Variants in SPEF2 observed in about 807,000 individuals in gnomAD.
SPEF2 encodes the protein sperm flagellar and cilia associated 2, also known as sperm flagella and cilia-associated protein 2.
SPEF2 carries 187 observed loss-of-function variants against 224.6 expected under a neutral mutation model. That is an observed-to-expected ratio of 0.83 (90% CI 0.74 to 0.94). The LOEUF is 0.94. Ranked by LOEUF, SPEF2 falls within the 40% of genes least tolerant of loss-of-function variation. The probability of loss-of-function intolerance (pLI) is 0.00; values close to 1 mark genes in which losing one functional copy is unlikely to be tolerated. For synonymous variants in SPEF2, 715 were observed against 707.3 expected (o/e 1.01, Z -0.17); for missense variants, 2,170 against 2,135.6 (o/e 1.02, Z -0.32).
At chr5:35,674,840 A>T (rs1055222882) in intron 10 of SPEF2, among the ~76,000 whole-genome samples, 2 of 152,052 alleles carry the variant, frequency 1.3e-5, no homozygotes, top group African/African-American at 4.8e-5. Context: ...TTTATTCAGG[A>T]TACTTACAAA....
chr5:35,661,304 CACACATATAT>C (rs1236431155), intron 8 of SPEF2, among the ~76,000 whole-genome samples: 7 of 113,970 alleles, frequency 6.1e-5, no homozygotes, highest in Non-Finnish European at 1.3e-4. Context: ...ATATATTATA[CACACATATAT>C]ACACATATAC....
intron 2 of SPEF2, among the ~76,000 whole-genome samples, chr5:35,638,553 C>T (rs1459857739): frequency 1.3e-5 from 2 of 152,174 alleles, no homozygotes; most frequent in Non-Finnish European, 2.9e-5. Flanking sequence ...TACTCCTTCT[C>T]TAAACTCTTC....
intron 25 of SPEF2, 72 bp from the exon 26 acceptor site, chr5:35,763,450 G>A (rs1182881919): frequency 1.5e-6 from 2 of 1,376,628 alleles, no homozygotes; most frequent in Non-Finnish European, 1.9e-6. Context: ...AATTTACAAA[G>A]TAACATGGTC....
chr5:35,700,672 T>G lies in SPEF2; in HGVS notation c.2318T>G (p.Leu773Arg). The G allele has an allele frequency of 6.2e-7, 1 of 1,614,012 alleles. No individual in the cohort carries two copies. Among genetic ancestry groups the G allele is most frequent in the Non-Finnish European group, 8.5e-7 (1 of 1,179,926 alleles). The change falls in exon 16 of 37, where the codon CTT (leucine) becomes CGT (arginine). Residue 773 changes from leucine to arginine, a missense_variant. Physicochemically the swap from Leu to Arg is moderately radical, Grantham distance 102. Transcript: ENST00000356031. ...CCTGCGACTTCCAAAGAAATACCTC[T>G]TCCCTCTCCTGCATTTGATTTTGTC... The part of the protein sequence containing the change: ...IDPATSKEIP[L>R]PSPAFDFVIL...
At chr5:35,808,573 A>G (rs761802151) in intron 36 of SPEF2, among the ~76,000 whole-genome samples, 1 of 152,074 alleles carries the variant, frequency 6.6e-6, no homozygotes, top group Admixed American at 6.6e-5. Flanking sequence ...TATGAAGGAC[A>G]TGAAGTCATC....
chr5:35,697,433 G>C (rs1755496148), intron 14 of SPEF2, among the ~76,000 whole-genome samples: 1 of 152,110 alleles, frequency 6.6e-6, no homozygotes, highest in South Asian at 2.1e-4. Flanking sequence ...CTGATTTAAG[G>C]TATTAGAGAA....
chr5:35,697,561 T>C (rs1228643509), intron 14 of SPEF2, 129 bp from the exon 15 acceptor site: 2 of 675,036 alleles, frequency 3.0e-6, no homozygotes, highest in Non-Finnish European at 4.9e-6. Flanking sequence ...CTTCCCTGAC[T>C]CCCGAACTGT....
chr5:35,786,982 C>A (rs935812071), intron 30 of SPEF2, among the ~76,000 whole-genome samples: 2 of 152,118 alleles, frequency 1.3e-5, no homozygotes, highest in East Asian at 3.9e-4. Flanking sequence ...TAAAACAGGA[C>A]AACATAATCT....
chr5:35,689,294 T>TA (rs1754099138), intron 10 of SPEF2, among the ~76,000 whole-genome samples: 1 of 152,206 alleles, frequency 6.6e-6, no homozygotes, highest in Admixed American at 6.5e-5. Flanking sequence ...TAGTTGTACC[T>TA]AACATTTTCT....
Position 35,667,016 on chromosome 5 carries a change from A to T in SPEF2, c.1168-56A>T, listed in dbSNP as rs1341053061. On this transcript the variant is annotated intron_variant, in intron 8 of 36. Transcript: ENST00000356031. Reference sequence around the variant, plus strand: ...ACTTTTTGGCCATTGAAATGATGACATTATTTTTATTTGATTCAATTATAG... The same window carrying T: ...ACTTTTTGGCCATTGAAATGATGACTTTATTTTTATTTGATTCAATTATAG... 2.0e-6 allele frequency: 3 copies of T among 1,474,234 alleles called. No individual in the cohort carries two copies. The African/African-American group carries it at 4.3e-5, about 21-fold the overall frequency. The allele number at this position is 1,474,234 out of a possible 1,614,324, so 91.3% of individuals were successfully genotyped here.
chr5:35,699,132 T>C (rs1374592572), intron 15 of SPEF2: 1 of 152,166 alleles, frequency 6.6e-6, no homozygotes, highest in Non-Finnish European at 1.5e-5. Flanking sequence ...TGAACAATAA[T>C]GAAATTTCCT....
At chr5:35,729,958 T>A (rs1278661248) in intron 21 of SPEF2, among the ~76,000 whole-genome samples, 1 of 152,138 alleles carries the variant, frequency 6.6e-6, no homozygotes. Flanking sequence ...AATTAAACCT[T>A]TTTCTTCCCA....
chr5:35,739,935 T>A lies in SPEF2; in HGVS notation c.3080T>A (p.Leu1027Ter), dbSNP rs774735931. Residue 1027 changes from leucine to a stop codon, truncating the protein, a stop_gained, in exon 22 of 37, where the codon TTA becomes TAA. Transcript: ENST00000356031. LOFTEE classifies it high-confidence loss of function. ...ATTTAACAGGAAATGCCTTTGTTTT[T>A]AGTACCTTACTGGGAACTAATAGAA... ...EPVPEEMPLF[L>*]VPYWELIENS... 1 of 1,613,676 alleles carries A rather than the reference T, an allele frequency of 6.2e-7. No homozygotes were observed. Among genetic ancestry groups the A allele is most frequent in the Admixed American group, 1.7e-5 (1 of 59,908 alleles).
In SPEF2 at chr5:35,745,472, T is replaced by C. The variant is rs191643588; in HGVS notation, c.3330+5205T>C. Among the ~76,000 whole-genome samples the C allele has an allele frequency of 9.9e-5, 15 of 152,254 alleles. No homozygotes were observed. In the East Asian group the frequency reaches 2.9e-3, roughly 29 times the overall value. On this transcript the variant is annotated intron_variant, in intron 23 of 36. Transcript: ENST00000356031. ...CTGCCTGGAAACAGACTCGGGGCTGTTGGCAGAGGCCCGGTGGGAGTGAGA... is the reference window on the plus strand; with the variant it reads ...CTGCCTGGAAACAGACTCGGGGCTGCTGGCAGAGGCCCGGTGGGAGTGAGA...
In SPEF2 at chr5:35,691,081, T is replaced by C. The variant is rs115016107; in HGVS notation, c.1569T>C (p.Asn523=). 2,585 of 1,613,990 alleles carry C rather than the reference T, an allele frequency of 1.6e-3. 29 individuals carry two copies. The African/African-American group carries it at 0.031, about 19-fold the overall frequency. ...CCTTACCAGAAGAAATGGTTGACAA[T>C]TTACCACCCTCCAACAATTGCATAC... ...EWALPEEMVD[N]LPPSNNCILG... is the part of the protein sequence containing the mutation. Residue 523 remains asparagine (N), a synonymous_variant, in exon 11 of 37, where the codon AAT becomes AAC. Transcript: ENST00000356031.
intron 6 of SPEF2, among the ~76,000 whole-genome samples, chr5:35,653,346 A>G (rs180769970): frequency 6.6e-6 from 1 of 152,346 alleles, no homozygotes; most frequent in African/African-American, 2.4e-5. Context: ...CCAAATTTCA[A>G]CTGCTGTGTT....
chr5:35,745,639 C>T (rs562959235), intron 23 of SPEF2, among the ~76,000 whole-genome samples: 6 of 152,176 alleles, frequency 3.9e-5, no homozygotes, highest in Non-Finnish European at 8.8e-5. Flanking sequence ...GGGAATCTCA[C>T]CCCCAACCCC....
intron 8 of SPEF2, among the ~76,000 whole-genome samples, chr5:35,660,374 G>T (rs945587959): frequency 6.6e-6 from 1 of 152,136 alleles, no homozygotes; most frequent in Non-Finnish European, 1.5e-5. Flanking sequence ...AAACAGGAGG[G>T]CAGTGTTTTA....
chr5:35,648,182 G>A (rs1222511926), intron 5 of SPEF2, among the ~76,000 whole-genome samples: 1 of 152,144 alleles, frequency 6.6e-6, no homozygotes, highest in African/African-American at 2.4e-5. Flanking sequence ...TGGTAGTAAA[G>A]CAGAGATTGA....
Sources: gnomAD v4.1 joint callset for allele counts (sites outside exome capture counted in the v4.1 genomes callset) on GRCh38, gnomAD v4.1.1 for gene constraint, MANE v1.5 for transcripts, NCBI Gene and HGNC (gene_info 2026-07-23, HGNC 2026-07-21) for gene names.